SLC16A7: variants seen among roughly 807,000 people sequenced by gnomAD.
SLC16A7 encodes the protein monocarboxylate transporter 2.
In SLC16A7, 33 loss-of-function variants were observed where a neutral mutation model predicts 34.9. That is an observed-to-expected ratio of 0.94 (90% CI 0.72 to 1.26). The LOEUF (loss-of-function observed/expected upper bound fraction) is 1.26, where lower values mean the gene tolerates loss of function less well. SLC16A7 is among the 50% of genes most tolerant of loss of function. The probability of loss-of-function intolerance (pLI) is 0.00; values close to 1 mark genes in which losing one functional copy is unlikely to be tolerated. For missense variants in SLC16A7, 573 were observed against 578.1 expected (o/e 0.99, Z 0.09); for synonymous variants, 201 against 206.6 (o/e 0.97, Z 0.23).
chr12:59,615,554 A>G lies in SLC16A7; in HGVS notation c.-130+19318A>G, dbSNP rs528478150. 1.7e-3 allele frequency among the ~76,000 whole-genome samples: 252 copies of G among 152,318 alleles called. 2 individuals carry two copies. Among genetic ancestry groups the G allele is most frequent in the South Asian group, 1.0e-2 (48 of 4,822 alleles). ...GAGAGGCCTATGTGTCAAGACTGGC[A>G]AACACTCAGATGCTAAGTGTTTCCT... is the stretch of plus-strand genomic sequence containing the variant. On this transcript the variant is annotated intron_variant, in intron 1 of 5. Coordinates refer to ENST00000547379, the MANE Select transcript of SLC16A7 (RefSeq NM_001270623.2).
At chr12:59,607,418 T>G (rs1878996457) in intron 1 of SLC16A7, among the ~76,000 whole-genome samples, 1 of 152,186 alleles carries the variant, frequency 6.6e-6, no homozygotes, top group Non-Finnish European at 1.5e-5. Context: ...TAACCATTTG[T>G]CTATGAATAT....
At chr12:59,628,657 C>CGT (rs1033195053) in intron 1 of SLC16A7, among the ~76,000 whole-genome samples, 4 of 151,018 alleles carry the variant, frequency 2.6e-5, no homozygotes, top group African/African-American at 7.3e-5. Flanking sequence ...TGTAAGTGTG[C>CGT]GTGTGTGTGT....
chr12:59,614,414 G>A (rs752768066), intron 1 of SLC16A7, among the ~76,000 whole-genome samples: 2 of 152,084 alleles, frequency 1.3e-5, no homozygotes, highest in Admixed American at 1.3e-4. Context: ...TGATTCAAAC[G>A]AAGTGTTTTG....
chr12:59,661,106 G>A (rs1002344952), intron 2 of SLC16A7, among the ~76,000 whole-genome samples: 2 of 152,082 alleles, frequency 1.3e-5, no homozygotes, highest in African/African-American at 4.8e-5. Context: ...GGTTGGGTGG[G>A]TGGAAGATGC....
intron 3 of SLC16A7, chr12:59,720,014 G>C (rs1042761243): frequency 1.5e-6 from 1 of 676,398 alleles, no homozygotes; most frequent in Non-Finnish European, 2.7e-6. Flanking sequence ...TGAATCTCAT[G>C]TTTTTGTAAA....
chr12:59,658,564 G>A (rs1001572756), intron 2 of SLC16A7, among the ~76,000 whole-genome samples: 1 of 151,994 alleles, frequency 6.6e-6, no homozygotes, highest in Non-Finnish European at 1.5e-5. Context: ...CAAATACCTT[G>A]CTGTGCCTTC....
intron 2 of SLC16A7, among the ~76,000 whole-genome samples, chr12:59,656,256 CT>C (rs1165106702): frequency 6.6e-6 from 1 of 151,914 alleles, no homozygotes; most frequent in Non-Finnish European, 1.5e-5. Context: ...TCTGCCACTT[CT>C]GAATATGTTA....
At chr12:59,753,439 A>C (rs967809508) in intron 3 of SLC16A7, among the ~76,000 whole-genome samples, 1 of 152,216 alleles carries the variant, frequency 6.6e-6, no homozygotes, top group Non-Finnish European at 1.5e-5. Flanking sequence ...AAACAAAAAA[A>C]GGCAGGGGTT....
chr12:59,704,917 C>T lies in SLC16A7; in HGVS notation c.116C>T (p.Ala39Val), dbSNP rs773764285. The T allele has an allele frequency of 2.5e-6, 4 of 1,613,476 alleles. No homozygotes were observed. Among genetic ancestry groups the T allele is most frequent in the South Asian group, 2.2e-5 (2 of 91,074 alleles). Residue 39 changes from alanine (A) to valine (V), a missense_variant, in exon 3 of 6, where the codon GCT (alanine) becomes GTT (valine). Transcript: ENST00000547379. ...SIGFSYAFPK[A>V]VTVFFKEIQQ... ...GGATTTTCCTATGCATTCCCCAAAG[C>T]TGTCACCGTATTCTTCAAAGAAATT...
intron 1 of SLC16A7, among the ~76,000 whole-genome samples, chr12:59,633,236 C>G (rs1226411916): frequency 1.3e-5 from 2 of 151,922 alleles, no homozygotes; most frequent in African/African-American, 4.8e-5. Flanking sequence ...TCTACCCAAC[C>G]CTACTCTATT....
At chr12:59,649,723 T>TGGATC (rs1868307953) in intron 1 of SLC16A7, among the ~76,000 whole-genome samples, 1 of 152,072 alleles carries the variant, frequency 6.6e-6, no homozygotes, top group Admixed American at 6.6e-5. Context: ...CTGAGACAGG[T>TGGATC]GGATCACCTG....
chr12:59,631,897 A>T (rs1295424479), intron 1 of SLC16A7, among the ~76,000 whole-genome samples: 1 of 151,864 alleles, frequency 6.6e-6, no homozygotes, highest in African/African-American at 2.4e-5. Flanking sequence ...AGCTTAAATT[A>T]GTGTGTGTGT....
intron 1 of SLC16A7, among the ~76,000 whole-genome samples, chr12:59,638,389 A>G (rs1485891248): frequency 6.6e-6 from 1 of 152,090 alleles, no homozygotes; most frequent in Non-Finnish European, 1.5e-5. Context: ...GTAGTATATC[A>G]TTTTCATTCT....
At chr12:59,603,393 A>G (rs947884480) in intron 1 of SLC16A7, among the ~76,000 whole-genome samples, 25 of 152,132 alleles carry the variant, frequency 1.6e-4, no homozygotes, top group Non-Finnish European at 3.2e-4. Context: ...ACTCAACTCA[A>G]ATGGAACTGT....
At chr12:59,691,342 TCTTG>T (rs1871625294) in intron 2 of SLC16A7, among the ~76,000 whole-genome samples, 2 of 151,856 alleles carry the variant, frequency 1.3e-5, no homozygotes, top group African/African-American at 4.8e-5. Flanking sequence ...AAGAGGGGGT[TCTTG>T]AGTTGTTTAC....
chr12:59,645,632 A>G (rs892525876), intron 1 of SLC16A7, among the ~76,000 whole-genome samples: 2 of 152,114 alleles, frequency 1.3e-5, no homozygotes, highest in African/African-American at 4.8e-5. Flanking sequence ...TCATACCAGC[A>G]TGAGAACAGA....
chr12:59,612,237 A>G (rs1458258322), intron 1 of SLC16A7, among the ~76,000 whole-genome samples: 2 of 152,214 alleles, frequency 1.3e-5, no homozygotes, highest in Non-Finnish European at 2.9e-5. Flanking sequence ...CCCAAACTTC[A>G]ATTCTTGACT....
chr12:59,678,445 A>G (rs938446254), intron 2 of SLC16A7, among the ~76,000 whole-genome samples: 1 of 131,302 alleles, frequency 7.6e-6, no homozygotes, highest in Admixed American at 7.3e-5. Flanking sequence ...AGCTCTTAGC[A>G]GAGAGGATAC....
chr12:59,624,804 A>G (rs988113630), intron 1 of SLC16A7, among the ~76,000 whole-genome samples: 1 of 151,082 alleles, frequency 6.6e-6, no homozygotes, highest in African/African-American at 2.4e-5. Context: ...TACTGCAAGC[A>G]TATTTCTGGT....
Sources: allele counts gnomAD v4.1 joint callset (sites outside exome capture counted in the v4.1 genomes callset), GRCh38; gene constraint gnomAD v4.1.1; transcripts MANE v1.5; gene names NCBI Gene and HGNC (gene_info 2026-07-23, HGNC 2026-07-21).